SMCHD1: variants seen among roughly 807,000 people sequenced by gnomAD.
The protein encoded by SMCHD1 is structural maintenance of chromosomes flexible hinge domain containing 1.
Under a neutral mutation model 254.7 loss-of-function variants are expected in SMCHD1, and 78 were observed. The observed-to-expected ratio is 0.31, with a 90% CI of 0.26 to 0.37. The LOEUF (loss-of-function observed/expected upper bound fraction) is 0.37, where lower values mean the gene tolerates loss of function less well. Ranked by LOEUF, SMCHD1 falls within the 10% of genes least tolerant of loss-of-function variation. SMCHD1 has a pLI of 1.00. For missense variants in SMCHD1, 1,840 were observed against 2,408.1 expected (o/e 0.76, Z 4.94); for synonymous variants, 766 against 794.9 (o/e 0.96, Z 0.61).
At chr18:2,801,766 A>T (rs1002703171) in intron 47 of SMCHD1, among the ~76,000 whole-genome samples, 4 of 152,166 alleles carry the variant, frequency 2.6e-5, no homozygotes, top group African/African-American at 9.6e-5. Flanking sequence ...AACTATAAAA[A>T]TGTCATTTTA....
In SMCHD1 at chr18:2,690,546, A is replaced by T. The variant is rs144801168; in HGVS notation, c.873+1799A>T. On this transcript the variant is annotated intron_variant, in intron 7 of 47. Transcript: ENST00000320876. The stretch of plus-strand genomic sequence containing the variant: ...GAGTGCAGTGGCATGATCTCAGCTC[A>T]CTGCAACCTCTGCCTCCCTGGTTGA... Among the ~76,000 whole-genome samples, 1,277 of 151,180 alleles carry T rather than the reference A, an allele frequency of 8.4e-3. 9 individuals carry two copies. The highest frequency in any genetic ancestry group is 0.014 in the Non-Finnish European group (928 of 67,732).
At chr18:2,714,311 C>A (rs1419649787) in intron 17 of SMCHD1, among the ~76,000 whole-genome samples, 1 of 152,028 alleles carries the variant, frequency 6.6e-6, no homozygotes, top group Non-Finnish European at 1.5e-5. Context: ...CTTTTGGTTT[C>A]TGTTTGCATG....
At chr18:2,703,462 A>G (rs1178282244) in intron 12 of SMCHD1, among the ~76,000 whole-genome samples, 2 of 152,146 alleles carry the variant, frequency 1.3e-5, no homozygotes, top group East Asian at 3.9e-4. Flanking sequence ...GATATTGACC[A>G]GGGATACCTT....
At chr18:2,799,516 ACATTATTATGACTATGTAAATATTGTT>A (rs762978722) in intron 47 of SMCHD1, among the ~76,000 whole-genome samples, 69 of 152,344 alleles carry the variant, frequency 4.5e-4, no homozygotes, top group Non-Finnish European at 7.4e-4. Flanking sequence ...TTTAAAAGTT[ACATTATTATGACTATGTAAATATTGTT>A]CAGGCAAATA....
At chr18:2,777,292 G>T (rs1210205678) in intron 42 of SMCHD1, among the ~76,000 whole-genome samples, 1 of 152,180 alleles carries the variant, frequency 6.6e-6, no homozygotes, top group Non-Finnish European at 1.5e-5. Context: ...CTATGTTGAA[G>T]GGAAAGTCTC....
chr18:2,735,852 G>T (rs529899986), intron 25 of SMCHD1, among the ~76,000 whole-genome samples: 1 of 152,284 alleles, frequency 6.6e-6, no homozygotes, highest in South Asian at 2.1e-4. Flanking sequence ...TACAGATTCA[G>T]TGTTGTTCCT....
intron 5 of SMCHD1, among the ~76,000 whole-genome samples, chr18:2,678,968 C>T (rs1278323545): frequency 6.6e-6 from 1 of 151,156 alleles, no homozygotes; most frequent in East Asian, 2.0e-4. Context: ...TTGCCTCAGC[C>T]TCCCAAGTAG....
chr18:2,783,548 C>T (rs2076192000), intron 44 of SMCHD1, among the ~76,000 whole-genome samples: 1 of 151,916 alleles, frequency 6.6e-6, no homozygotes, highest in East Asian at 1.9e-4. Context: ...CAGTATTTTT[C>T]CTTTATTCTG....
intron 21 of SMCHD1, among the ~76,000 whole-genome samples, chr18:2,725,927 A>G (rs1337328486): frequency 6.6e-6 from 1 of 151,928 alleles, no homozygotes; most frequent in Non-Finnish European, 1.5e-5. Context: ...TCCTCTGTTA[A>G]TGTCTTACAG....
intron 45 of SMCHD1, 97 bp downstream of exon 45, chr18:2,784,718 C>A: frequency 7.8e-7 from 1 of 1,282,508 alleles, no homozygotes; most frequent in Non-Finnish European, 1.1e-6. Flanking sequence ...GAAAAATTAA[C>A]AAATGTAAGT....
chr18:2,775,470 T>A (rs540466557), intron 41 of SMCHD1, among the ~76,000 whole-genome samples: 4 of 152,210 alleles, frequency 2.6e-5, no homozygotes, highest in Admixed American at 6.5e-5. Flanking sequence ...CTGAACGGTC[T>A]GAGAAAAGAA....
At position 2,802,510 on chromosome 18, in the gene SMCHD1, T is replaced by A. The variant is rs1437609913; in HGVS notation, c.5994-18T>A. ...ACCTTTGGTACATAAAACTTTTTTT[T>A]CTTTCCCCTTTGACCAGGATTATAA... On this transcript the variant is annotated intron_variant, in intron 47 of 47. Coordinates refer to ENST00000320876, the MANE Select transcript of SMCHD1 (RefSeq NM_015295.3). The A allele has an allele frequency of 6.5e-7, 1 of 1,546,348 alleles. No homozygotes were observed. Among genetic ancestry groups the A allele is most frequent in the African/African-American group, 1.4e-5 (1 of 72,832 alleles).
At chr18:2,663,561 CATGTTG>C (rs1226605791) in intron 1 of SMCHD1, among the ~76,000 whole-genome samples, 1 of 152,090 alleles carries the variant, frequency 6.6e-6, no homozygotes, top group Non-Finnish European at 1.5e-5. Context: ...TATCTGTTTC[CATGTTG>C]AGATAACTAG....
chr18:2,763,007 C>G (rs1157186659), intron 36 of SMCHD1, among the ~76,000 whole-genome samples: 1 of 152,180 alleles, frequency 6.6e-6, no homozygotes, highest in African/African-American at 2.4e-5. Context: ...AGCAACACAG[C>G]TGTCAAAAAT....
chr18:2,726,277 T>C (rs1405203521), intron 21 of SMCHD1, among the ~76,000 whole-genome samples, 175 bp from the exon 22 acceptor site: 1 of 151,924 alleles, frequency 6.6e-6, no homozygotes, highest in African/African-American at 2.4e-5. Context: ...TTGATCAGTT[T>C]TTTTCCTCTA....
In SMCHD1 at chr18:2,708,907, T is replaced by TATATATATATATATA. The variant is rs769432583; in HGVS notation, c.2260+988_2260+989insTATATATATATATAA. Among the ~76,000 whole-genome samples the TATATATATATATATA allele has an allele frequency of 3.8e-4, 17 of 44,694 alleles. 1 individual carries two copies. Among genetic ancestry groups the TATATATATATATATA allele is most frequent in the South Asian group, 1.0e-3 (1 of 960 alleles). 29.3% of individuals were successfully genotyped at this position (44,694 alleles called of 152,430 possible). The stretch of plus-strand genomic sequence containing the variant: ...ATATATATATATATATATATATATA[T>TATATATATATATATA]AACATATTAACATGAAATTTATGAA... On this transcript the variant is annotated intron_variant, in intron 17 of 47. Transcript: ENST00000320876.
At position 2,804,996 on chromosome 18, in the gene SMCHD1, C is replaced by A. The variant is rs2076421442; in HGVS notation, c.*2444C>A. ...TTTGAAGTAACTGAAATAAAACTCT[C>A]TCCAAGCCTTTTTGCACATTACGTT... On this transcript the variant is annotated 3_prime_UTR_variant, in exon 48 of 48. Transcript: ENST00000320876. 1 of 152,166 alleles carries A rather than the reference C, an allele frequency of 6.6e-6. No individual in the cohort carries two copies. Among genetic ancestry groups the A allele is most frequent in the African/African-American group, 2.4e-5 (1 of 41,448 alleles). 9.4% of individuals were successfully genotyped at this position (152,166 alleles called of 1,614,324 possible).
intron 19 of SMCHD1, among the ~76,000 whole-genome samples, chr18:2,719,930 C>T (rs1465440380): frequency 6.6e-6 from 1 of 152,202 alleles, no homozygotes; most frequent in Non-Finnish European, 1.5e-5. Context: ...CAGCCTCGGC[C>T]TCCCAAAGTG....
intron 47 of SMCHD1, among the ~76,000 whole-genome samples, chr18:2,800,217 A>G (rs1273616211): frequency 6.6e-6 from 1 of 151,838 alleles, no homozygotes; most frequent in Non-Finnish European, 1.5e-5. Flanking sequence ...AAACAGGGAG[A>G]GTGGCAAATA....
Sources: gnomAD v4.1 joint callset for allele counts (sites outside exome capture counted in the v4.1 genomes callset) on GRCh38, gnomAD v4.1.1 for gene constraint, MANE v1.5 for transcripts, NCBI Gene and HGNC (gene_info 2026-07-23, HGNC 2026-07-21) for gene names.